Variants in FLRT2 observed in about 807,000 individuals in gnomAD.
FLRT2 encodes fibronectin leucine rich transmembrane protein 2.
In FLRT2, 15 loss-of-function variants were observed where a neutral mutation model predicts 40.0. The ratio of observed to expected loss-of-function variants is 0.38; its 90% confidence interval spans 0.25 to 0.58. FLRT2 has a LOEUF of 0.58. Ranked by LOEUF, FLRT2 falls within the 20% of genes least tolerant of loss-of-function variation. The pLI is 0.71. For missense variants in FLRT2, 726 were observed against 840.0 expected (o/e 0.86, Z 1.68); for synonymous variants, 380 against 336.8 (o/e 1.13, Z -1.41).
At position 85,630,861 on chromosome 14, in the gene FLRT2, C is replaced by CT. The variant is rs1443777126; in HGVS notation, c.*7369dup. The CT allele has an allele frequency of 6.6e-6, 1 of 151,862 alleles. No homozygotes were observed. The highest frequency in any genetic ancestry group is 1.5e-5 in the Non-Finnish European group (1 of 67,992). 9.4% of individuals were successfully genotyped at this position (151,862 alleles called of 1,614,324 possible). Reference sequence around the variant, plus strand: ...ACTTGGTTAAGACCCTTCCTTTAGTCTTTTTCTAATTTAGCCTTTCCAACA... The same window carrying CT: ...ACTTGGTTAAGACCCTTCCTTTAGTCTTTTTTCTAATTTAGCCTTTCCAACA... On this transcript the variant is annotated 3_prime_UTR_variant, in exon 2 of 2. Coordinates refer to ENST00000330753, the MANE Select transcript of FLRT2 (RefSeq NM_013231.6).
At chr14:85,546,396 CTG>C (rs1199395055) in intron 1 of FLRT2, among the ~76,000 whole-genome samples, 3 of 152,212 alleles carry the variant, frequency 2.0e-5, no homozygotes, top group Non-Finnish European at 4.4e-5. Context: ...CAAGAGGGGA[CTG>C]TGAATTATTT....
At chr14:85,595,669 G>C (rs938605387) in intron 1 of FLRT2, among the ~76,000 whole-genome samples, 1 of 152,076 alleles carries the variant, frequency 6.6e-6, no homozygotes, top group African/African-American at 2.4e-5. Flanking sequence ...TTTATCCACG[G>C]TATAACTGCC....
rs959540186 is a variant in FLRT2 at position 85,649,090 on chromosome 14, G to C, written c.*25593G>C. ...CCCAATATAATTTAAGATTGACAGG[G>C]AGAGCATCAGTATTCTGCAGTCTGA... On this transcript the variant is annotated 3_prime_UTR_variant, in exon 2 of 2. Transcript: ENST00000330753. 2 of 152,078 alleles carry C rather than the reference G, an allele frequency of 1.3e-5. No individual in the cohort carries two copies. The highest frequency in any genetic ancestry group is 4.8e-5 in the African/African-American group (2 of 41,418). The allele number at this position is 152,078 out of a possible 1,614,324, so 9.4% of individuals were successfully genotyped here. A position where few individuals can be genotyped will look rare whatever the true frequency, so the allele number is the denominator to read the frequency against.
rs1259215827 is a variant in FLRT2, at chr14:85,537,846, T to G, written c.-377+7312T>G. Among the ~76,000 whole-genome samples, 2 of 2,918 alleles carry G rather than the reference T, an allele frequency of 6.9e-4. 1 individual carries two copies. The highest frequency in any genetic ancestry group is 7.3e-3 in the East Asian group (2 of 274). 1.9% of individuals were successfully genotyped at this position (2,918 alleles called of 152,430 possible). A position where few individuals can be genotyped will look rare whatever the true frequency, so the allele number is the denominator to read the frequency against. ...AATCTGTTAGAACCTTCATGTTTTG[T>G]TTTTTTTTTTTCTTCCTTAGCGAAT... On this transcript the variant is annotated intron_variant, in intron 1 of 1. Coordinates refer to ENST00000330753, the MANE Select transcript of FLRT2 (RefSeq NM_013231.6).
At chr14:85,620,286 G>T (rs373371531) in intron 1 of FLRT2, among the ~76,000 whole-genome samples, 18 of 151,676 alleles carry the variant, frequency 1.2e-4, no homozygotes, top group African/African-American at 4.1e-4. Flanking sequence ...TAAATCATGT[G>T]GTAATGTGGT....
At chr14:85,617,979 C>T (rs1893209490) in intron 1 of FLRT2, among the ~76,000 whole-genome samples, 1 of 152,196 alleles carries the variant, frequency 6.6e-6, no homozygotes, top group Admixed American at 6.5e-5. Context: ...AAGAGCCACT[C>T]ATGAGTAAAA....
intron 1 of FLRT2, among the ~76,000 whole-genome samples, chr14:85,536,275 A>C (rs1383622250): frequency 6.6e-6 from 1 of 152,098 alleles, no homozygotes; most frequent in Admixed American, 6.5e-5. Context: ...AAGTATGTAC[A>C]AGTCCAGAAG....
At chr14:85,582,449 C>T (rs943800823) in intron 1 of FLRT2, among the ~76,000 whole-genome samples, 7 of 152,050 alleles carry the variant, frequency 4.6e-5, no homozygotes, top group Admixed American at 6.6e-5. Context: ...GGCATTGTGG[C>T]AAAGTGGTCA....
rs868693352 is a variant in FLRT2 at position 85,556,281 on chromosome 14, G to A, written c.-377+25747G>A. Reference sequence around the variant, plus strand: ...TGGCACAGTAATTTCATTGGTAGGAGATTTCTTTTAGATTTTTAGCTTGCC... The same window carrying A: ...TGGCACAGTAATTTCATTGGTAGGAAATTTCTTTTAGATTTTTAGCTTGCC... On this transcript the variant is annotated intron_variant, in intron 1 of 1. Coordinates refer to ENST00000330753, the MANE Select transcript of FLRT2 (RefSeq NM_013231.6). Among the ~76,000 whole-genome samples the A allele has an allele frequency of 6.6e-5, 10 of 152,332 alleles. No homozygotes were observed. The Middle Eastern group carries it at 0.01, about 155-fold the overall frequency.
At position 85,640,885 on chromosome 14, in the gene FLRT2, G is replaced by C. The variant is rs528233259; in HGVS notation, c.*17388G>C. 2.6e-5 allele frequency: 4 copies of C among 152,114 alleles called. No homozygotes were observed. Among genetic ancestry groups the C allele is most frequent in the Non-Finnish European group, 5.9e-5 (4 of 68,036 alleles). 9.4% of individuals were successfully genotyped at this position (152,114 alleles called of 1,614,324 possible). On this transcript the variant is annotated 3_prime_UTR_variant, in exon 2 of 2. Coordinates refer to ENST00000330753, the MANE Select transcript of FLRT2 (RefSeq NM_013231.6). Reference sequence around the variant, plus strand: ...GGCTTTTCGGCTGCACAGCTGAATCGCCTCTGTGAAAATCCTGACCTCGCT... The same window carrying C: ...GGCTTTTCGGCTGCACAGCTGAATCCCCTCTGTGAAAATCCTGACCTCGCT...
In FLRT2 at chr14:85,650,272, T is replaced by C. The variant is rs1387162530; in HGVS notation, c.*26775T>C. ...ATCCTGTTGTCGAAACATTTCCATG[T>C]TCCTTTAATTCATTCATTGGCAATA... On this transcript the variant is annotated 3_prime_UTR_variant, in exon 2 of 2. Transcript: ENST00000330753. The C allele has an allele frequency of 2.6e-5, 4 of 151,996 alleles. No homozygotes were observed. The highest frequency in any genetic ancestry group is 9.7e-5 in the African/African-American group (4 of 41,422). 9.4% of individuals were successfully genotyped at this position (151,996 alleles called of 1,614,324 possible).
intron 1 of FLRT2, among the ~76,000 whole-genome samples, chr14:85,583,961 T>TA (rs35631948): frequency 0.32 from 45,459 of 141,820 alleles, 7,425 homozygotes; most frequent in Middle Eastern, 0.42. Context: ...ACTGTTTCTT[T>TA]AAAAAAAAAA....
intron 1 of FLRT2, among the ~76,000 whole-genome samples, chr14:85,607,649 T>G (rs997991186): frequency 4.6e-5 from 7 of 152,340 alleles, no homozygotes; most frequent in Non-Finnish European, 1.0e-4. Context: ...AACAAGTTTT[T>G]GCTTTGCAGT....
intron 1 of FLRT2, among the ~76,000 whole-genome samples, chr14:85,530,845 G>T (rs891454568): frequency 6.6e-6 from 1 of 151,996 alleles, no homozygotes; most frequent in South Asian, 2.1e-4. Flanking sequence ...GGTTCTCAGT[G>T]CCCCTAACCT....
chr14:85,621,588 G>A lies in FLRT2; in HGVS notation c.74G>A (p.Gly25Glu), dbSNP rs771434450. Reference sequence around the variant, plus strand: ...AAGTCTTGGCTTATCATTTCCCTGGGGCTCTACTCACAGGTGTCCAAACTC... The same window carrying A: ...AAGTCTTGGCTTATCATTTCCCTGGAGCTCTACTCACAGGTGTCCAAACTC... Reference protein sequence around the residue: ...FLKSWLIISLGLYSQVSKLLA... With the variant: ...FLKSWLIISLELYSQVSKLLA... The change falls in exon 2 of 2, where the codon GGG (glycine) becomes GAG (glutamate). Residue 25 changes from glycine (G) to glutamate (E), a missense_variant. Physicochemically the swap from Gly to Glu is moderately conservative, Grantham distance 98. Around this residue, in one of 3 missense-constraint regions of FLRT2, gnomAD observed 106 missense variants for 121.2 expected, o/e 0.87. Transcript: ENST00000330753. 1.2e-5 allele frequency: 19 copies of A among 1,613,748 alleles called. No homozygotes were observed. The Admixed American group carries it at 1.3e-4, about 11-fold the overall frequency.
chr14:85,607,825 A>G (rs539636572), intron 1 of FLRT2, among the ~76,000 whole-genome samples: 1 of 152,324 alleles, frequency 6.6e-6, no homozygotes, highest in Non-Finnish European at 1.5e-5. Context: ...ACAAAGTACC[A>G]CAGACTGCAC....
In FLRT2 at chr14:85,629,532, TTAAAA is replaced by T. The variant is rs1488361634; in HGVS notation, c.*6039_*6043del. On this transcript the variant is annotated 3_prime_UTR_variant, in exon 2 of 2. Transcript: ENST00000330753. ...GATAACGTATGTTTGCATTCTGTCT[TTAAAA>T]TAACCCTGTAAGGTGCGTTATTTTA... The T allele has an allele frequency of 6.6e-6, 1 of 152,248 alleles. No homozygotes were observed. The highest frequency in any genetic ancestry group is 1.5e-5 in the Non-Finnish European group (1 of 68,036). The allele number at this position is 152,248 out of a possible 1,614,324, so 9.4% of individuals were successfully genotyped here.
In FLRT2 at chr14:85,632,728, T is replaced by C. The variant is rs1475998279; in HGVS notation, c.*9231T>C. The C allele has an allele frequency of 6.6e-6, 1 of 152,176 alleles. No individual in the cohort carries two copies. The highest frequency in any genetic ancestry group is 1.5e-5 in the Non-Finnish European group (1 of 68,044). The allele number at this position is 152,176 out of a possible 1,614,324, so 9.4% of individuals were successfully genotyped here. On this transcript the variant is annotated 3_prime_UTR_variant, in exon 2 of 2. Coordinates refer to ENST00000330753, the MANE Select transcript of FLRT2 (RefSeq NM_013231.6). ...CATTGTGTTATCTTGGTTATTGCCA[T>C]GAGAATAGTCTTTCCTAGAAATGAT...
chr14:85,553,416 GGAA>G (rs1460297963), intron 1 of FLRT2, among the ~76,000 whole-genome samples: 3 of 152,026 alleles, frequency 2.0e-5, no homozygotes, highest in African/African-American at 4.8e-5. Flanking sequence ...GGGCCATATT[GGAA>G]GAAGAAGAAT....
Sources: allele counts gnomAD v4.1 joint callset (sites outside exome capture counted in the v4.1 genomes callset), GRCh38; gene constraint gnomAD v4.1.1; regional missense constraint gnomAD v4.1.1; transcripts MANE v1.5; gene names NCBI Gene and HGNC (gene_info 2026-07-23, HGNC 2026-07-21).